NFE2L3: variants seen among roughly 807,000 people sequenced by gnomAD.
NFE2L3 encodes NFE2 like bZIP transcription factor 3.
Under a neutral mutation model 23.5 loss-of-function variants are expected in NFE2L3, and 18 were observed. The observed-to-expected ratio is 0.77, with a 90% confidence interval of 0.53 to 1.13. The LOEUF (loss-of-function observed/expected upper bound fraction) is 1.13. Among genes scored for constraint, NFE2L3 ranks in the 50% most tolerant of loss-of-function variants. The pLI, the probability that NFE2L3 is intolerant of heterozygous loss-of-function variation, is 0.00. For missense variants in NFE2L3, 1,152 were observed against 877.2 expected, an observed-to-expected ratio of 1.31 and a Z score of -3.96; for synonymous variants, 424 against 354.5, an observed-to-expected ratio of 1.20 and a Z score of -2.20.
intron 2 of NFE2L3, among the ~76,000 whole-genome samples, chr7:26,183,004 C>T (rs1224751530): frequency 1.3e-5 from 2 of 152,090 alleles, no homozygotes; most frequent in Admixed American, 6.5e-5. Context: ...CCAAGCTGGT[C>T]TCCAACTCCT....
At chr7:26,170,501 G>A (rs559012359) in intron 1 of NFE2L3, among the ~76,000 whole-genome samples, 2 of 152,074 alleles carry the variant, frequency 1.3e-5, no homozygotes, top group Non-Finnish European at 2.9e-5. Context: ...AGGTAGGTGG[G>A]GTGTGAGGAA....
Position 26,185,682 on chromosome 7 carries a change from T to C in NFE2L3, c.1984T>C (p.Tyr662His). 1 of 1,613,816 alleles carries C rather than the reference T, an allele frequency of 6.2e-7. No individual in the cohort carries two copies. The highest frequency in any genetic ancestry group is 8.5e-7 in the Non-Finnish European group (1 of 1,179,766). The stretch of plus-strand genomic sequence containing the variant: ...AGGTAGGCCAGTCAATCCCAACCAC[T>C]ATGCTCTCCAGTGTACCCATGATGG... ...DQGRPVNPNHYALQCTHDGSI... is the reference protein window; with the variant it reads ...DQGRPVNPNHHALQCTHDGSI... The change falls in exon 4 of 4, where the codon TAT becomes CAT. Residue 662 changes from tyrosine to histidine, a missense_variant. Physicochemically the swap from Tyr to His is moderately conservative, Grantham distance 83. Transcript: ENST00000056233.
intron 1 of NFE2L3, among the ~76,000 whole-genome samples, chr7:26,166,556 T>C (rs929364811): frequency 2.0e-5 from 3 of 152,224 alleles, no homozygotes; most frequent in Admixed American, 6.5e-5. Flanking sequence ...GTTTAACCTC[T>C]CTGTGTCTCA....
chr7:26,170,617 C>G (rs911434615), intron 1 of NFE2L3, among the ~76,000 whole-genome samples: 2 of 152,134 alleles, frequency 1.3e-5, no homozygotes, highest in African/African-American at 2.4e-5. Context: ...AGAACAGTTT[C>G]TTCAGAAAAA....
At chr7:26,183,662 C>A in intron 2 of NFE2L3, 39 bp from the exon 3 acceptor site, 1 of 1,322,476 alleles carries the variant, frequency 7.6e-7, no homozygotes, top group Non-Finnish European at 1.1e-6. Flanking sequence ...CCAGTTCAGT[C>A]TTTTATGTGA....
chr7:26,170,043 C>T (rs757088200), intron 1 of NFE2L3, among the ~76,000 whole-genome samples: 4 of 152,150 alleles, frequency 2.6e-5, no homozygotes, highest in Admixed American at 6.5e-5. Flanking sequence ...TGGGATAGTC[C>T]TGGTTTATGC....
rs1782441423 is a variant in NFE2L3 at position 26,184,957 on chromosome 7, G to A, written c.1259G>A (p.Gly420Asp). The A allele has an allele frequency of 2.5e-6, 4 of 1,613,784 alleles. No individual in the cohort carries two copies. In the East Asian group the frequency reaches 8.9e-5, roughly 36 times the overall value. The stretch of plus-strand genomic sequence containing the variant: ...TTTGATGAACCAGATTCTGATTCTG[G>A]CCTTTCTTTAGATTCAAGTCACAAT... Reference protein sequence around the residue: ...QLFDEPDSDSGLSLDSSHNNT... With the variant: ...QLFDEPDSDSDLSLDSSHNNT... The change falls in exon 4 of 4, where the codon GGC (glycine) becomes GAC (aspartate). Residue 420 changes from glycine to aspartate, a missense_variant. Transcript: ENST00000056233.
intron 1 of NFE2L3, among the ~76,000 whole-genome samples, chr7:26,169,284 G>A (rs937608993): frequency 3.3e-5 from 5 of 152,206 alleles, no homozygotes; most frequent in African/African-American, 1.2e-4. Context: ...AGGTTTATTA[G>A]GGGGAGCCAT....
chr7:26,153,492 C>T (rs183976820), intron 1 of NFE2L3, among the ~76,000 whole-genome samples: 1 of 152,266 alleles, frequency 6.6e-6, no homozygotes, highest in Non-Finnish European at 1.5e-5. Context: ...TTAAGAACGA[C>T]TCTCCCGGCC....
intron 1 of NFE2L3, among the ~76,000 whole-genome samples, chr7:26,153,881 C>T (rs1313331926): frequency 6.6e-6 from 1 of 152,254 alleles, no homozygotes; most frequent in East Asian, 1.9e-4. Flanking sequence ...CACAAAACCA[C>T]TTTACCCAAA....
intron 1 of NFE2L3, among the ~76,000 whole-genome samples, chr7:26,159,825 C>G (rs1784140730): frequency 6.6e-6 from 1 of 152,148 alleles, no homozygotes; most frequent in Admixed American, 6.5e-5. Flanking sequence ...GAACAGGTCA[C>G]TGTTCTTAAG....
At chr7:26,179,015 ATGTAATATT>A (rs1784462342) in intron 2 of NFE2L3, among the ~76,000 whole-genome samples, 1 of 152,102 alleles carries the variant, frequency 6.6e-6, no homozygotes, top group African/African-American at 2.4e-5. Context: ...AGCCCTGGCC[ATGTAATATT>A]ACATGGAACA....
At chr7:26,184,021 CTA>C (rs1356156259) in intron 3 of NFE2L3, 15 of 509,504 alleles carry the variant, frequency 2.9e-5, no homozygotes, top group Middle Eastern at 3.2e-4. Flanking sequence ...TCTCAAAAAA[CTA>C]AAAGAATTAT....
intron 1 of NFE2L3, among the ~76,000 whole-genome samples, chr7:26,172,599 C>CT (rs138364918): frequency 1.7e-3 from 265 of 152,314 alleles, no homozygotes; most frequent in African/African-American, 5.9e-3. Flanking sequence ...AAACACTCCT[C>CT]TCTCAGTGTT....
intron 1 of NFE2L3, among the ~76,000 whole-genome samples, chr7:26,175,122 G>A (rs1784379444): frequency 6.6e-6 from 1 of 151,348 alleles, no homozygotes; most frequent in Non-Finnish European, 1.5e-5. Context: ...TGAGGCGGAC[G>A]GATCATGAGG....
At chr7:26,178,175 T>C (rs1014892470) in intron 2 of NFE2L3, 53 bp downstream of exon 2, 49 of 1,515,600 alleles carry the variant, frequency 3.2e-5, no homozygotes, top group Non-Finnish European at 4.0e-5. Context: ...ATGTAGATTT[T>C]GTGGCATTGA....
chr7:26,158,175 A>G (rs936500519), intron 1 of NFE2L3, among the ~76,000 whole-genome samples: 2 of 152,050 alleles, frequency 1.3e-5, no homozygotes, highest in Non-Finnish European at 2.9e-5. Context: ...CAGCCTCCCA[A>G]GTAGCTGAGA....
intron 1 of NFE2L3, among the ~76,000 whole-genome samples, chr7:26,167,892 A>C (rs1784274594): frequency 6.6e-6 from 1 of 152,186 alleles, no homozygotes; most frequent in African/African-American, 2.4e-5. Flanking sequence ...TACACATATG[A>C]AGGGGCTATT....
chr7:26,162,344 A>G (rs1784185323), intron 1 of NFE2L3, among the ~76,000 whole-genome samples: 1 of 152,090 alleles, frequency 6.6e-6, no homozygotes. Context: ...TTAAAGAAGA[A>G]TTGAGTGGGG....
Sources: gnomAD v4.1 joint callset for allele counts (sites outside exome capture counted in the v4.1 genomes callset) on GRCh38, gnomAD v4.1.1 for gene constraint, MANE v1.5 for transcripts, NCBI Gene and HGNC (gene_info 2026-07-23, HGNC 2026-07-21) for gene names.